Variants in ADGRV1 observed in about 807,000 individuals in gnomAD.
ADGRV1 encodes the protein G-protein coupled receptor 98.
ADGRV1 carries 359 observed loss-of-function variants against 596.2 expected under a neutral mutation model. That is an observed-to-expected ratio of 0.60 (90% CI 0.55 to 0.66). The LOEUF (loss-of-function observed/expected upper bound fraction) is 0.66. ADGRV1 is among the 30% of genes least tolerant of loss of function. The probability of loss-of-function intolerance (pLI) is 0.00; values close to 1 mark genes in which losing one functional copy is unlikely to be tolerated. For missense variants in ADGRV1, 7,274 were observed against 7,575.6 expected (o/e 0.96, Z 1.48); for synonymous variants, 2,681 against 2,679.2 (o/e 1.00, Z -0.02).
chr5:90,980,246 T>C (rs1339208413), intron 84 of ADGRV1, among the ~76,000 whole-genome samples: 2 of 152,198 alleles, frequency 1.3e-5, no homozygotes, highest in Non-Finnish European at 1.5e-5. Context: ...TGAGACTATT[T>C]AGTAACATCA....
rs1396935395 is a variant in ADGRV1 at position 90,926,376 on chromosome 5, G to C, written c.17857-39039G>C. On this transcript the variant is annotated intron_variant, in intron 83 of 89. Transcript: ENST00000405460. ...TTAGTCTTGGGAGAGTGTATGTGTCGAGGAATTTATCCATTTCTTCTAGAT... is the reference window on the plus strand; with the variant it reads ...TTAGTCTTGGGAGAGTGTATGTGTCCAGGAATTTATCCATTTCTTCTAGAT... Among the ~76,000 whole-genome samples the C allele has an allele frequency of 1.0e-4, 15 of 148,198 alleles. 1 individual carries two copies. Among genetic ancestry groups the C allele is most frequent in the South Asian group, 6.5e-4 (3 of 4,606 alleles).
intron 9 of ADGRV1, chr5:90,629,956 T>C (rs950109046): frequency 6.5e-6 from 1 of 153,548 alleles, no homozygotes; most frequent in African/African-American, 2.4e-5. Context: ...ATAATGAATA[T>C]TGCAAGGAAA....
chr5:90,898,156 T>TC (rs1380727302), intron 83 of ADGRV1, among the ~76,000 whole-genome samples: 2 of 152,198 alleles, frequency 1.3e-5, no homozygotes, highest in Non-Finnish European at 2.9e-5. Context: ...TATGTATTAA[T>TC]CCCTGAAGGC....
intron 85 of ADGRV1, among the ~76,000 whole-genome samples, chr5:91,012,229 C>T (rs1381836163): frequency 6.6e-6 from 1 of 151,944 alleles, no homozygotes; most frequent in East Asian, 1.9e-4. Context: ...TTCAAGGTCC[C>T]TGGATACCTT....
intron 87 of ADGRV1, among the ~76,000 whole-genome samples, chr5:91,148,159 C>A (rs961396233): frequency 6.6e-6 from 1 of 152,080 alleles, no homozygotes; most frequent in Non-Finnish European, 1.5e-5. Context: ...TGCAGCCTGA[C>A]GATGCAGTAG....
intron 84 of ADGRV1, among the ~76,000 whole-genome samples, chr5:90,968,426 T>G (rs1454918355): frequency 1.3e-5 from 2 of 152,240 alleles, no homozygotes; most frequent in Non-Finnish European, 2.9e-5. Flanking sequence ...TCTACATCTC[T>G]TCTTTGAGTT....
At chr5:90,814,969 T>A (rs1762762087) in intron 74 of ADGRV1, among the ~76,000 whole-genome samples, 1 of 138,670 alleles carries the variant, frequency 7.2e-6, no homozygotes, top group Middle Eastern at 3.5e-3. Context: ...GTATGAACCC[T>A]AGTTTTGTTC....
At chr5:90,702,873 T>C (rs1302883240) in intron 34 of ADGRV1, among the ~76,000 whole-genome samples, 2 of 152,018 alleles carry the variant, frequency 1.3e-5, no homozygotes, top group African/African-American at 4.8e-5. Flanking sequence ...ATACAGTTCA[T>C]TGGTATTTCT....
intron 43 of ADGRV1, 21 bp downstream of exon 43, chr5:90,716,750 GA>G: frequency 1.3e-6 from 2 of 1,560,250 alleles, no homozygotes; most frequent in Non-Finnish European, 1.8e-6. Flanking sequence ...AAGCTTTAAT[GA>G]GAATGGAAGT....
At chr5:90,890,861 A>AT (rs1423517689) in intron 83 of ADGRV1, among the ~76,000 whole-genome samples, 2 of 152,044 alleles carry the variant, frequency 1.3e-5, no homozygotes, top group African/African-American at 2.4e-5. Context: ...TTTTTTTACT[A>AT]TTTTTTATCT....
At chr5:91,060,396 A>ATTT (rs1403489090) in intron 85 of ADGRV1, among the ~76,000 whole-genome samples, 4 of 27,190 alleles carry the variant, frequency 1.5e-4, no homozygotes, top group African/African-American at 3.5e-4. Context: ...ATATATATAT[A>ATTT]TATTTTTTTT....
rs55896568 is a variant in ADGRV1 at position 90,864,072 on chromosome 5, C to T, written c.17856+215C>T. ...ACAGAGAAGCACCTTAATATCATCGCTTACAAAAAAAAAAACTTCTTATCA... is the reference window on the plus strand; with the variant it reads ...ACAGAGAAGCACCTTAATATCATCGTTTACAAAAAAAAAAACTTCTTATCA... On this transcript the variant is annotated intron_variant, in intron 83 of 89. Transcript: ENST00000405460. 0.016 allele frequency among the ~76,000 whole-genome samples: 2,416 copies of T among 150,494 alleles called. 64 individuals carry two copies. Among genetic ancestry groups the T allele is most frequent in the African/African-American group, 0.056 (2,288 of 41,126 alleles).
intron 70 of ADGRV1, chr5:90,793,169 G>A (rs920935032): frequency 1.3e-5 from 2 of 152,140 alleles, no homozygotes; most frequent in Admixed American, 1.3e-4. Context: ...TGCATTTCCT[G>A]TATCCGACAG....
chr5:90,701,261 T>C (rs1257425270), intron 34 of ADGRV1, among the ~76,000 whole-genome samples: 2 of 152,244 alleles, frequency 1.3e-5, no homozygotes, highest in Non-Finnish European at 1.5e-5. Flanking sequence ...ACTTTTCTTC[T>C]GTCTTTTCCC....
chr5:90,720,908 T>C (rs774794705), intron 44 of ADGRV1, 27 bp from the exon 45 acceptor site: 3 of 1,583,008 alleles, frequency 1.9e-6, no homozygotes, highest in Middle Eastern at 1.7e-4. Flanking sequence ...CTTTTTCTGC[T>C]TCCCTCAATC....
chr5:90,822,489 T>C (rs554114046), intron 75 of ADGRV1, among the ~76,000 whole-genome samples: 184 of 152,294 alleles, frequency 1.2e-3, no homozygotes, highest in African/African-American at 4.3e-3. Flanking sequence ...TTGATCTGTA[T>C]CTCTGTTTTG....
At chr5:90,587,677 C>T (rs1446417370) in intron 1 of ADGRV1, among the ~76,000 whole-genome samples, 1 of 151,580 alleles carries the variant, frequency 6.6e-6, no homozygotes, top group Non-Finnish European at 1.5e-5. Flanking sequence ...CCTGCTTCAG[C>T]TTCCTGAGAA....
At chr5:91,143,684 A>T (rs893056881) in intron 87 of ADGRV1, among the ~76,000 whole-genome samples, 1 of 151,824 alleles carries the variant, frequency 6.6e-6, no homozygotes, top group African/African-American at 2.4e-5. Context: ...ATAAGTTCCC[A>T]CTCCAGTTTG....
At chr5:91,105,420 C>T (rs1217336386) in intron 87 of ADGRV1, among the ~76,000 whole-genome samples, 1 of 152,150 alleles carries the variant, frequency 6.6e-6, no homozygotes, top group Non-Finnish European at 1.5e-5. Context: ...CCATACTGTT[C>T]TCCATAGTGG....
Sources: gnomAD v4.1 joint callset for allele counts (sites outside exome capture counted in the v4.1 genomes callset) on GRCh38, gnomAD v4.1.1 for gene constraint, MANE v1.5 for transcripts, NCBI Gene and HGNC (gene_info 2026-07-23, HGNC 2026-07-21) for gene names.